The following PREB variants were observed in gnomAD, a reference collection of about 807,000 sequenced individuals.
The protein encoded by PREB is guanine nucleotide-exchange factor SEC12.
PREB carries 29 observed loss-of-function variants against 46.7 expected under a neutral mutation model. The ratio of observed to expected loss-of-function variants is 0.62; its 90% CI spans 0.46 to 0.85. The LOEUF (loss-of-function observed/expected upper bound fraction) is 0.85. Ranked by LOEUF, PREB falls within the 40% of genes least tolerant of loss-of-function variation. The pLI, the probability that PREB is intolerant of heterozygous loss-of-function variation, is 0.00. For missense variants in PREB, 494 were observed against 528.4 expected (o/e 0.93, Z 0.64); for synonymous variants, 224 against 220.1 (o/e 1.02, Z -0.16).
At position 27,131,778 on chromosome 2, in the gene PREB, A is replaced by G. The variant is rs1672286114; in HGVS notation, c.1053T>C (p.Phe351=). 6.2e-7 allele frequency: 1 copy of G among 1,614,152 alleles called. No individual in the cohort carries two copies. The highest frequency in any genetic ancestry group is 1.1e-5 in the South Asian group (1 of 91,078). ...AHGIVVTDVA[F]LPEKGRGPEL... is the part of the protein sequence containing the mutation. ...CTGGACCACGACCCTTCTCAGGTAG[A>G]AAGGCCACATCCGTCACCACAATGC... The change falls in exon 8 of 9, where the codon TTT becomes TTC. Residue 351 remains phenylalanine (F), a synonymous_variant. Coordinates refer to ENST00000260643, the MANE Select transcript of PREB (RefSeq NM_013388.6).
chr2:27,133,598 C>A lies in PREB; in HGVS notation c.259G>T (p.Asp87Tyr). 1 of 1,614,172 alleles carries A rather than the reference C, an allele frequency of 6.2e-7. No individual in the cohort carries two copies. The highest frequency in any genetic ancestry group is 8.5e-7 in the Non-Finnish European group (1 of 1,180,026). The change falls in exon 2 of 9, where the codon GAT (aspartate) becomes TAT (tyrosine). Residue 87 changes from aspartate (D) to tyrosine (Y), a missense_variant. Asp to Tyr is a radical substitution (Grantham distance 160, BLOSUM62 -3). Coordinates refer to ENST00000260643, the MANE Select transcript of PREB (RefSeq NM_013388.6). ...LAGDILAAGQDAHCQLLRFQA... is the reference protein window; with the variant it reads ...LAGDILAAGQYAHCQLLRFQA... The stretch of plus-strand genomic sequence containing the variant: ...AAGCGCAGGAGCTGACAGTGGGCAT[C>A]CTGCCCTGCAGCAAGGATGTCACCA...
Position 27,133,521 on chromosome 2 carries a change from G to A in PREB, c.325+11C>T, listed in dbSNP as rs1672373812. The A allele has an allele frequency of 2.5e-6, 4 of 1,611,652 alleles. No individual in the cohort carries two copies. The highest frequency in any genetic ancestry group is 2.5e-6 in the Non-Finnish European group (3 of 1,178,528). On this transcript the variant is annotated intron_variant, in intron 2 of 8. Coordinates refer to ENST00000260643, the MANE Select transcript of PREB (RefSeq NM_013388.6). ...CCCTTTCCCCAAGGGGGTAGAGAGG[G>A]AGCTCCTCACCGGCCTTCTCTGCCT... is the stretch of plus-strand genomic sequence containing the variant.
chr2:27,132,173 T>C lies in PREB; in HGVS notation c.926+57A>G. 6.2e-7 allele frequency: 1 copy of C among 1,610,910 alleles called. No individual in the cohort carries two copies. The highest frequency in any genetic ancestry group is 8.5e-7 in the Non-Finnish European group (1 of 1,177,096). ...CGGTCCGTAGGGACCCAGGCAGGAC[T>C]CCTTTCCAAGCTCCCTCAGGGACCC... is the stretch of plus-strand genomic sequence containing the variant. On this transcript the variant is annotated intron_variant, in intron 6 of 8. Transcript: ENST00000260643. This position sits in a 1 kb window ranked among gnomAD's most constrained non-coding sequence, Gnocchi z 4.0.
chr2:27,134,591 G>T lies in PREB; in HGVS notation c.-170C>A, dbSNP rs938635935. The T allele has an allele frequency of 7.4e-7, 1 of 1,342,344 alleles. No individual in the cohort carries two copies. Among genetic ancestry groups the T allele is most frequent in the East Asian group, 3.0e-5 (1 of 32,976 alleles). The allele number at this position is 1,342,344 out of a possible 1,614,324, so 83.2% of individuals were successfully genotyped here. The stretch of plus-strand genomic sequence containing the variant: ...AAACCCTGACCATCAGCAGGAAGCC[G>T]AGCCTCAGCTCGGCTCCGTCCAAGT... On this transcript the variant is annotated 5_prime_UTR_variant, in exon 1 of 9. Transcript: ENST00000260643.
Position 27,134,597 on chromosome 2 carries a change from C to CAA in PREB, c.-177_-176insTT, listed in dbSNP as rs1672428004. ...TGACCATCAGCAGGAAGCCGAGCCT[C>CAA]AGCTCGGCTCCGTCCAAGTCGGTCT... On this transcript the variant is annotated 5_prime_UTR_variant, in exon 1 of 9. Transcript: ENST00000260643. The CAA allele has an allele frequency of 7.5e-7, 1 of 1,337,582 alleles. No homozygotes were observed. The highest frequency in any genetic ancestry group is 9.5e-7 in the Non-Finnish European group (1 of 1,049,648). The allele number at this position is 1,337,582 out of a possible 1,614,324, so 82.9% of individuals were successfully genotyped here.
rs772676549 is a variant in PREB at position 27,132,338 on chromosome 2, C to T, written c.818G>A (p.Arg273His). 43 of 1,613,922 alleles carry T rather than the reference C, an allele frequency of 2.7e-5. No individual in the cohort carries two copies. The highest frequency in any genetic ancestry group is 3.3e-5 in the Non-Finnish European group (39 of 1,180,012). ...RLFTVQIPHK[R>H]LRQPPPCYLT... ...GTAGCAGGGAGGGGGCTGGCGCAGG[C>T]GCTTGTGGGGAATTTGCACTGTGAA... Residue 273 changes from arginine to histidine, a missense_variant, in exon 6 of 9, where the codon CGC becomes CAC. Physicochemically the swap from Arg to His is conservative, Grantham distance 29 (BLOSUM62 0). Transcript: ENST00000260643. The surrounding 1 kb of genome is among the most constrained non-coding windows in gnomAD (Gnocchi z 4.0).
Position 27,131,111 on chromosome 2 carries a change from T to G in PREB, c.*303A>C, listed in dbSNP as rs1672241985. 1 of 512,310 alleles carries G rather than the reference T, an allele frequency of 2.0e-6. No individual in the cohort carries two copies. The highest frequency in any genetic ancestry group is 3.4e-5 in the Admixed American group (1 of 29,258). The allele number at this position is 512,310 out of a possible 1,614,324, so 31.7% of individuals were successfully genotyped here. A position where few individuals can be genotyped will look rare whatever the true frequency, so the allele number is the denominator to read the frequency against. Reference sequence around the variant, plus strand: ...TTGGGCATCTTCACATGTTTCTAGATAAGGACAAGCTCAACTCTGGAGCCT... The same window carrying G: ...TTGGGCATCTTCACATGTTTCTAGAGAAGGACAAGCTCAACTCTGGAGCCT... On this transcript the variant is annotated 3_prime_UTR_variant, in exon 9 of 9. Transcript: ENST00000260643.
rs150589957 is a variant in PREB at position 27,131,762 on chromosome 2, G to A, written c.1069C>T (p.Arg357Cys). The A allele has an allele frequency of 2.8e-5, 45 of 1,613,960 alleles. No individual in the cohort carries two copies. Among genetic ancestry groups the A allele is most frequent in the African/African-American group, 2.1e-4 (16 of 74,896 alleles). Reference sequence around the variant, plus strand: ...TGGGACCCAAGGAGCTCTGGACCACGACCCTTCTCAGGTAGAAAGGCCACA... The same window carrying A: ...TGGGACCCAAGGAGCTCTGGACCACAACCCTTCTCAGGTAGAAAGGCCACA... ...TDVAFLPEKGRGPELLGSHET... is the reference protein window; with the variant it reads ...TDVAFLPEKGCGPELLGSHET... Residue 357 changes from arginine to cysteine, a missense_variant, in exon 8 of 9, where the codon CGT becomes TGT. Arg to Cys is a radical substitution (Grantham distance 180). Transcript: ENST00000260643.
Position 27,131,066 on chromosome 2 carries a change from A to T in PREB, c.*348T>A. 1.9e-6 allele frequency: 1 copy of T among 517,912 alleles called. No homozygotes were observed. 32.1% of individuals were successfully genotyped at this position (517,912 alleles called of 1,614,324 possible). ...AGGAGAAACTGTTTCTGCAGGAAGG[A>T]CAGCAGTGCCTCCAGGCTCTTGGGC... is the stretch of plus-strand genomic sequence containing the variant. On this transcript the variant is annotated 3_prime_UTR_variant, in exon 9 of 9. Transcript: ENST00000260643.
At chr2:27,133,892 GGATT>G in intron 1 of PREB, 171 bp from the exon 2 acceptor site, 1 of 669,278 alleles carries the variant, frequency 1.5e-6, no homozygotes. Context: ...AGCAGGACTG[GGATT>G]ATTACCTCTA....
chr2:27,134,142 C>T (rs1672401385), intron 1 of PREB, 145 bp downstream of exon 1: 1 of 1,124,366 alleles, frequency 8.9e-7, no homozygotes, highest in Non-Finnish European at 1.2e-6. Flanking sequence ...TGAAATTCGC[C>T]CCTGGGCGTC....
In PREB at chr2:27,131,765, C is replaced by T. The variant is rs1352890663; in HGVS notation, c.1066G>A (p.Gly356Ser). Reference sequence around the variant, plus strand: ...GACCCAAGGAGCTCTGGACCACGACCCTTCTCAGGTAGAAAGGCCACATCC... The same window carrying T: ...GACCCAAGGAGCTCTGGACCACGACTCTTCTCAGGTAGAAAGGCCACATCC... ...VTDVAFLPEK[G>S]RGPELLGSHE... The change falls in exon 8 of 9, where the codon GGT becomes AGT. Residue 356 changes from glycine to serine, a missense_variant. By Grantham distance (56) the Gly-to-Ser change is moderately conservative. Transcript: ENST00000260643. The T allele has an allele frequency of 1.9e-6, 3 of 1,614,142 alleles. No homozygotes were observed. The highest frequency in any genetic ancestry group is 1.3e-5 in the African/African-American group (1 of 75,046).
chr2:27,133,315 T>A lies in PREB; in HGVS notation c.348A>T (p.Arg116=). 2 of 1,614,182 alleles carry A rather than the reference T, an allele frequency of 1.2e-6. No individual in the cohort carries two copies. The highest frequency in any genetic ancestry group is 1.7e-6 in the Non-Finnish European group (2 of 1,180,034). Residue 116 remains arginine, a synonymous_variant, in exon 3 of 9, where the codon CGA becomes CGT. Transcript: ENST00000260643. ...EKAGSKEQGP[R]QRKGAAPAEK... is the part of the protein sequence containing the mutation. The stretch of plus-strand genomic sequence containing the variant: ...CTGCTGGGGCTGCTCCCTTCCTTTG[T>A]CGAGGCCCCTGCTCCTTGGAACCTG...
intron 8 of PREB, 23 bp downstream of exon 8, chr2:27,131,649 C>T: frequency 5.0e-6 from 8 of 1,611,982 alleles, no homozygotes; most frequent in Non-Finnish European, 6.8e-6. Flanking sequence ...GTGGTGCCTG[C>T]CTGCCCTGCC....
In PREB at chr2:27,132,017, G is replaced by C. The variant is rs1406490035; in HGVS notation, c.992C>G (p.Ser331Cys). 1.9e-6 allele frequency: 3 copies of C among 1,614,024 alleles called. No homozygotes were observed. Among genetic ancestry groups the C allele is most frequent in the Admixed American group, 1.7e-5 (1 of 60,024 alleles). Reference sequence around the variant, plus strand: ...CCAACCTCCACCCATTACCTGGAGAGAGAAAGCTATGTAGATGGCAACAGA... The same window carrying C: ...CCAACCTCCACCCATTACCTGGAGACAGAAAGCTATGTAGATGGCAACAGA... ...TGSVAIYIAF[S>C]LQCLYYVREA... Residue 331 changes from serine to cysteine, a missense_variant, in exon 7 of 9, where the codon TCT becomes TGT. Ser to Cys is a moderately radical substitution (Grantham distance 112). Transcript: ENST00000260643. This position sits in a 1 kb window ranked among gnomAD's most constrained non-coding sequence, Gnocchi z 4.0.
Position 27,132,678 on chromosome 2 carries a change from T to G in PREB, c.677A>C (p.Gln226Pro). 6.2e-7 allele frequency: 1 copy of G among 1,614,136 alleles called. No individual in the cohort carries two copies. The highest frequency in any genetic ancestry group is 8.5e-7 in the Non-Finnish European group (1 of 1,179,976). Reference sequence around the variant, plus strand: ...TTGCCAGTGCAGCTGTGTCACCAGCTGATCCTTCTGCCACACAGAGGCCTT... The same window carrying G: ...TTGCCAGTGCAGCTGTGTCACCAGCGGATCCTTCTGCCACACAGAGGCCTT... ...DLKASVWQKD[Q>P]LVTQLHWQEN... Residue 226 changes from glutamine to proline, a missense_variant, in exon 5 of 9, where the codon CAG becomes CCG. By Grantham distance (76) the Gln-to-Pro change is moderately conservative (BLOSUM62 -1). Coordinates refer to ENST00000260643, the MANE Select transcript of PREB (RefSeq NM_013388.6). The surrounding 1 kb of genome is among the most constrained non-coding windows in gnomAD (Gnocchi z 4.0).
Position 27,131,081 on chromosome 2 carries a change from G to T in PREB, c.*333C>A, listed in dbSNP as rs1192555902. ...TGCAGGAAGGACAGCAGTGCCTCCAGGCTCTTGGGCATCTTCACATGTTTC... is the reference window on the plus strand; with the variant it reads ...TGCAGGAAGGACAGCAGTGCCTCCATGCTCTTGGGCATCTTCACATGTTTC... On this transcript the variant is annotated 3_prime_UTR_variant, in exon 9 of 9. Transcript: ENST00000260643. 1 of 512,238 alleles carries T rather than the reference G, an allele frequency of 2.0e-6. No individual in the cohort carries two copies. The highest frequency in any genetic ancestry group is 3.5e-6 in the Non-Finnish European group (1 of 285,558). 31.7% of individuals were successfully genotyped at this position (512,238 alleles called of 1,614,324 possible).
Position 27,133,354 on chromosome 2 carries a change from T to C in PREB, c.326-17A>G, listed in dbSNP as rs759743040. 24 of 1,613,622 alleles carry C rather than the reference T, an allele frequency of 1.5e-5. No homozygotes were observed. The highest frequency in any genetic ancestry group is 1.8e-5 in the Non-Finnish European group (21 of 1,179,752). On this transcript the variant is annotated splice_polypyrimidine_tract_variant and intron_variant, in intron 2 of 8. Coordinates refer to ENST00000260643, the MANE Select transcript of PREB (RefSeq NM_013388.6). The stretch of plus-strand genomic sequence containing the variant: ...CCTTGGAACCTGTAACACAAACACT[T>C]GGCCAGGTTCCAGGCTTCTACAGTA...
rs1672420601 is a variant in PREB, at chr2:27,134,510, T to G, written c.-89A>C. On this transcript the variant is annotated 5_prime_UTR_variant, in exon 1 of 9. Coordinates refer to ENST00000260643, the MANE Select transcript of PREB (RefSeq NM_013388.6). The stretch of plus-strand genomic sequence containing the variant: ...ACTACTGCCCCGGCGGCTGGTGAAC[T>G]CGGCCCCGTCGCCGCCGGGAGCACT... The G allele has an allele frequency of 7.2e-7, 1 of 1,389,384 alleles. No individual in the cohort carries two copies. The highest frequency in any genetic ancestry group is 1.6e-5 in the South Asian group (1 of 61,430). The allele number at this position is 1,389,384 out of a possible 1,614,324, so 86.1% of individuals were successfully genotyped here. A position where few individuals can be genotyped will look rare whatever the true frequency, so the allele number is the denominator to read the frequency against.
Sources: allele counts gnomAD v4.1 joint callset, GRCh38; gene constraint gnomAD v4.1.1; non-coding constraint Gnocchi (gnomAD v3.1); transcripts MANE v1.5; gene names NCBI Gene and HGNC (gene_info 2026-07-23, HGNC 2026-07-21).